Variants in MEIS2 observed in about 807,000 individuals in gnomAD.
The protein encoded by MEIS2 is homeobox protein Meis2.
In MEIS2, 9 loss-of-function variants were observed where a neutral mutation model predicts 58.6. That is an observed-to-expected ratio of 0.15 (90% CI 0.09 to 0.27). The LOEUF is 0.27. MEIS2 is among the 10% of genes least tolerant of loss of function. MEIS2 has a pLI of 1.00. For missense variants in MEIS2, 427 were observed against 635.0 expected, an observed-to-expected ratio of 0.67 and a Z score of 3.52; for synonymous variants, 221 against 228.4, an observed-to-expected ratio of 0.97 and a Z score of 0.29.
chr15:37,026,459 A>G (rs1380552531), intron 8 of MEIS2, among the ~76,000 whole-genome samples: 1 of 152,222 alleles, frequency 6.6e-6, no homozygotes, highest in African/African-American at 2.4e-5. Flanking sequence ...AATATTTGTG[A>G]TTGCAGGAGA....
chr15:36,983,041 G>A (rs182379460), intron 8 of MEIS2, among the ~76,000 whole-genome samples: 4 of 152,092 alleles, frequency 2.6e-5, no homozygotes, highest in East Asian at 3.9e-4. Flanking sequence ...TAAACACTTC[G>A]GATATTATCT....
At chr15:37,080,047 G>T (rs1006936088) in intron 7 of MEIS2, among the ~76,000 whole-genome samples, 2 of 151,972 alleles carry the variant, frequency 1.3e-5, no homozygotes, top group African/African-American at 2.4e-5. Flanking sequence ...TGTAAGGAAG[G>T]CCCCATTACA....
intron 6 of MEIS2, among the ~76,000 whole-genome samples, chr15:37,085,633 G>A (rs936175701): frequency 5.9e-5 from 9 of 152,144 alleles, no homozygotes; most frequent in African/African-American, 2.2e-4. Context: ...TTGATTCAAA[G>A]TGAAAACCCT....
At chr15:37,044,823 G>A (rs147980225) in intron 7 of MEIS2, among the ~76,000 whole-genome samples, 27 of 152,238 alleles carry the variant, frequency 1.8e-4, no homozygotes, top group Non-Finnish European at 3.5e-4. Flanking sequence ...TTGCTAGTTT[G>A]TCTGTCTGTG....
chr15:37,071,017 GA>G (rs1847315641), intron 7 of MEIS2, among the ~76,000 whole-genome samples: 1 of 151,992 alleles, frequency 6.6e-6, no homozygotes, highest in African/African-American at 2.4e-5. Context: ...TATTCAAAAG[GA>G]AGGCAATTAT....
intron 6 of MEIS2, among the ~76,000 whole-genome samples, chr15:37,089,446 AAAAC>A (rs968178990): frequency 1.3e-5 from 2 of 152,130 alleles, no homozygotes; most frequent in African/African-American, 4.8e-5. Context: ...CCCATTTGAA[AAAAC>A]AAACAAACAA....
chr15:36,940,879 T>C (rs2058350933), intron 9 of MEIS2, among the ~76,000 whole-genome samples: 1 of 152,198 alleles, frequency 6.6e-6, no homozygotes, highest in Non-Finnish European at 1.5e-5. Context: ...ATAAGTAACC[T>C]ATTATGTTCC....
intron 9 of MEIS2, among the ~76,000 whole-genome samples, chr15:36,914,928 G>T (rs2057208004): frequency 6.6e-6 from 1 of 152,180 alleles, no homozygotes; most frequent in Non-Finnish European, 1.5e-5. Context: ...AACAACGTGA[G>T]CCAGGATGTT....
Position 36,892,301 on chromosome 15 carries a change from G to T in MEIS2, c.1306C>A (p.Pro436Thr). 1 of 1,613,902 alleles carries T rather than the reference G, an allele frequency of 6.2e-7. No homozygotes were observed. Among genetic ancestry groups the T allele is most frequent in the Non-Finnish European group, 8.5e-7 (1 of 1,179,950 alleles). ...GGTCCTCCGTGCATCATCATGGCTG[G>T]GTGGTGGGGATGGCTTGGCAAATAT... ...HSYLPSHPHH[P>T]AMMMHGGPPT... The change falls in exon 12 of 12, where the codon CCA becomes ACA. Residue 436 changes from proline (P) to threonine (T), a missense_variant. Physicochemically the swap from Pro to Thr is conservative, Grantham distance 38. This residue lies in a region of MEIS2 where 154 missense variants were observed against 148.1 expected (regional missense o/e 1.04). Coordinates refer to ENST00000561208, the MANE Select transcript of MEIS2 (RefSeq NM_170675.5).
chr15:37,091,816 A>G (rs1893560262), intron 6 of MEIS2, among the ~76,000 whole-genome samples: 2 of 152,214 alleles, frequency 1.3e-5, no homozygotes. Context: ...ACTCCTAGAA[A>G]TATCATGAGA....
rs149363201 is a variant in MEIS2 at position 37,027,133 on chromosome 15, C to T, written c.900+9681G>A. The stretch of plus-strand genomic sequence containing the variant: ...CAAACTCCATTCAACCACCCTAATG[C>T]TTCCTACCTAAGTCACTATTTCTTA... On this transcript the variant is annotated intron_variant, in intron 8 of 11. Transcript: ENST00000561208. Among the ~76,000 whole-genome samples the T allele has an allele frequency of 8.4e-3, 1,284 of 152,302 alleles. 6 individuals are homozygous for T. The highest frequency in any genetic ancestry group is 0.012 in the Non-Finnish European group (799 of 68,024).
chr15:37,010,935 C>T (rs1008311881), intron 8 of MEIS2, among the ~76,000 whole-genome samples: 1 of 152,174 alleles, frequency 6.6e-6, no homozygotes, highest in Non-Finnish European at 1.5e-5. Flanking sequence ...TCACAAACAC[C>T]GTCATTCTTA....
At chr15:36,938,967 G>A (rs1284410922) in intron 9 of MEIS2, among the ~76,000 whole-genome samples, 1 of 152,190 alleles carries the variant, frequency 6.6e-6, no homozygotes, top group South Asian at 2.1e-4. Context: ...TCTGTGGACA[G>A]GGGTGTCAGC....
chr15:36,975,580 G>C (rs527338728), intron 8 of MEIS2, among the ~76,000 whole-genome samples: 3 of 151,146 alleles, frequency 2.0e-5, no homozygotes, highest in Admixed American at 1.3e-4. Context: ...AGTCTGAGAA[G>C]GTAAGTGATG....
intron 7 of MEIS2, among the ~76,000 whole-genome samples, chr15:37,052,151 A>T (rs2062946074): frequency 6.6e-6 from 1 of 152,216 alleles, no homozygotes; most frequent in East Asian, 1.9e-4. Context: ...TTCATGAAAG[A>T]CTGAGCACTC....
chr15:37,040,943 C>T (rs921493077), intron 7 of MEIS2, among the ~76,000 whole-genome samples: 3 of 152,166 alleles, frequency 2.0e-5, no homozygotes, highest in African/African-American at 7.2e-5. Flanking sequence ...CTTTAACTGG[C>T]TTTGGGAAGC....
chr15:36,940,625 A>G (rs924346209), intron 9 of MEIS2, among the ~76,000 whole-genome samples: 2 of 152,196 alleles, frequency 1.3e-5, no homozygotes, highest in Non-Finnish European at 2.9e-5. Flanking sequence ...AACTCGGTTG[A>G]CTAAATGTAA....
intron 8 of MEIS2, among the ~76,000 whole-genome samples, chr15:36,996,079 A>ATT (rs1328916172): frequency 7.2e-6 from 1 of 139,198 alleles, no homozygotes; most frequent in African/African-American, 2.6e-5. Context: ...ATATATATAT[A>ATT]TTTTTAAATA....
chr15:37,012,228 T>C lies in MEIS2; in HGVS notation c.900+24586A>G, dbSNP rs564579547. Among the ~76,000 whole-genome samples, 8 of 152,344 alleles carry C rather than the reference T, an allele frequency of 5.3e-5. No individual in the cohort carries two copies. The East Asian group carries it at 1.5e-3, about 29-fold the overall frequency. ...GTCCAATAAAAGGAACATTGATGGG[T>C]ACTTTGGTTCAATATAGCAGCAAGA... is the stretch of plus-strand genomic sequence containing the variant. On this transcript the variant is annotated intron_variant, in intron 8 of 11. Transcript: ENST00000561208.
Sources: gnomAD v4.1 joint callset for allele counts (sites outside exome capture counted in the v4.1 genomes callset) on GRCh38, gnomAD v4.1.1 for gene constraint, gnomAD v4.1.1 regional missense constraint, MANE v1.5 for transcripts, NCBI Gene and HGNC (gene_info 2026-07-23, HGNC 2026-07-21) for gene names.